The following ZHX3 variants were observed in gnomAD, a reference collection of about 807,000 sequenced individuals.
The protein encoded by ZHX3 is zinc fingers and homeoboxes protein 3.
In ZHX3, 20 loss-of-function variants were observed where a neutral mutation model predicts 64.5. That is an observed-to-expected ratio of 0.31 (90% CI 0.22 to 0.45). The LOEUF is 0.45. Ranked by LOEUF, ZHX3 falls within the 20% of genes least tolerant of loss-of-function variation. The pLI is 1.00. For missense variants in ZHX3, 1,041 were observed against 1,195.8 expected (o/e 0.87, Z 1.91); for synonymous variants, 423 against 461.6 (o/e 0.92, Z 1.07).
intron 1 of ZHX3, among the ~76,000 whole-genome samples, chr20:41,280,245 CAA>C (rs1011959728): frequency 9.8e-5 from 15 of 152,300 alleles, no homozygotes; most frequent in Admixed American, 2.6e-4. Context: ...TCGGATCACA[CAA>C]AGAGTTCTCA....
rs1207410604 is a variant in ZHX3, at chr20:41,179,425, G to C, written c.*5766C>G. 6.6e-6 allele frequency: 1 copy of C among 152,162 alleles called. No homozygotes were observed. Among genetic ancestry groups the C allele is most frequent in the East Asian group, 1.9e-4 (1 of 5,186 alleles). 9.4% of individuals were successfully genotyped at this position (152,162 alleles called of 1,614,324 possible). On this transcript the variant is annotated 3_prime_UTR_variant, in exon 4 of 4. Coordinates refer to ENST00000683867, the MANE Select transcript of ZHX3 (RefSeq NM_001384317.1). The surrounding 1 kb of genome is among the most constrained non-coding windows in gnomAD (Gnocchi z 4.3). ...TGGCCCTGTTCCAAGCAAACTGCAA[G>C]AACGAGACCAAACAGTATGGGCAGG...
intron 1 of ZHX3, among the ~76,000 whole-genome samples, chr20:41,277,073 G>A (rs1028681204): frequency 5.3e-5 from 8 of 152,230 alleles, no homozygotes; most frequent in Non-Finnish European, 1.5e-5. Flanking sequence ...TTTGAATGGT[G>A]AAGACAGACA....
chr20:41,240,929 G>A (rs6129777), intron 2 of ZHX3, among the ~76,000 whole-genome samples: 1 of 152,162 alleles, frequency 6.6e-6, no homozygotes, highest in African/African-American at 2.4e-5. Context: ...TGGGCACATA[G>A]GTTGCCTTCC....
rs1256951614 is a variant in ZHX3, at chr20:41,180,655, C to T, written c.*4536G>A. 1.3e-5 allele frequency: 2 copies of T among 152,164 alleles called. No homozygotes were observed. The highest frequency in any genetic ancestry group is 2.9e-5 in the Non-Finnish European group (2 of 68,042). 9.4% of individuals were successfully genotyped at this position (152,164 alleles called of 1,614,324 possible). A position where few individuals can be genotyped will look rare whatever the true frequency, so the allele number is the denominator to read the frequency against. On this transcript the variant is annotated 3_prime_UTR_variant, in exon 4 of 4. Coordinates refer to ENST00000683867, the MANE Select transcript of ZHX3 (RefSeq NM_001384317.1). The stretch of plus-strand genomic sequence containing the variant: ...CTCCCATTAACTTCACAACCAAGTG[C>T]AGACGCTCGGTGAGTTCAGAGACCA...
intron 2 of ZHX3, among the ~76,000 whole-genome samples, chr20:41,244,305 T>C (rs547586541): frequency 6.6e-6 from 1 of 151,884 alleles, no homozygotes; most frequent in Admixed American, 6.6e-5. Flanking sequence ...ATGAACCAGA[T>C]AGGAAAGAGG....
intron 2 of ZHX3, among the ~76,000 whole-genome samples, chr20:41,227,425 A>C (rs747929056): frequency 5.3e-5 from 8 of 152,148 alleles, no homozygotes; most frequent in Non-Finnish European, 8.8e-5. Flanking sequence ...TCCAACAACT[A>C]TTTATCAGGA....
chr20:41,239,040 T>C (rs1172781395), intron 2 of ZHX3, among the ~76,000 whole-genome samples: 8 of 143,758 alleles, frequency 5.6e-5, no homozygotes, highest in African/African-American at 2.1e-4. Flanking sequence ...TCTTGCTCTG[T>C]CGCCCAGGCT....
chr20:41,251,162 T>G (rs187375691), intron 2 of ZHX3, among the ~76,000 whole-genome samples: 271 of 29,628 alleles, frequency 9.1e-3, no homozygotes, highest in Non-Finnish European at 0.012. Flanking sequence ...TATGGGGAGA[T>G]ATATATATAT....
At position 41,200,946 on chromosome 20, in the gene ZHX3, AG is replaced by A. The variant is rs1468859183; in HGVS notation, c.2860+1110del. On this transcript the variant is annotated intron_variant, in intron 3 of 3. Transcript: ENST00000683867. The surrounding 1 kb of genome is among the most constrained non-coding windows in gnomAD (Gnocchi z 4.2). Reference sequence around the variant, plus strand: ...TTGTCCTTTTTAAGACATCCTAAGTAGAAAGCAACTGGGGTGGAGGAGCTGG... The same window carrying A: ...TTGTCCTTTTTAAGACATCCTAAGTAAAAGCAACTGGGGTGGAGGAGCTGG... 1.3e-5 allele frequency among the ~76,000 whole-genome samples: 2 copies of A among 152,270 alleles called. No individual in the cohort carries two copies. The highest frequency in any genetic ancestry group is 2.9e-5 in the Non-Finnish European group (2 of 68,046).
At chr20:41,225,895 A>G (rs976239509) in intron 2 of ZHX3, among the ~76,000 whole-genome samples, 1 of 152,112 alleles carries the variant, frequency 6.6e-6, no homozygotes, top group African/African-American at 2.4e-5. Flanking sequence ...CAAATACTAT[A>G]CCCATCAAAT....
At chr20:41,270,322 G>A (rs2043072262) in intron 1 of ZHX3, among the ~76,000 whole-genome samples, 1 of 141,486 alleles carries the variant, frequency 7.1e-6, no homozygotes, top group African/African-American at 2.6e-5. Context: ...GTTGCAGTGA[G>A]CCGAGATCGC....
At chr20:41,257,700 C>G (rs2042333246) in intron 2 of ZHX3, among the ~76,000 whole-genome samples, 1 of 151,330 alleles carries the variant, frequency 6.6e-6, no homozygotes, top group Non-Finnish European at 1.5e-5. Flanking sequence ...CAACCTCCGC[C>G]TGCCAGCTTC....
intron 2 of ZHX3, among the ~76,000 whole-genome samples, chr20:41,263,011 T>C (rs2042637571): frequency 6.6e-6 from 1 of 152,158 alleles, no homozygotes. Flanking sequence ...AAAATTTGTT[T>C]AAAAGCTAAA....
intron 2 of ZHX3, among the ~76,000 whole-genome samples, chr20:41,262,796 A>C (rs1011220439): frequency 2.6e-5 from 4 of 152,182 alleles, no homozygotes; most frequent in Non-Finnish European, 1.5e-5. Flanking sequence ...GAATTAAGAC[A>C]CTTCACAGAA....
At chr20:41,235,789 G>A (rs371842654) in intron 2 of ZHX3, among the ~76,000 whole-genome samples, 1 of 152,084 alleles carries the variant, frequency 6.6e-6, no homozygotes, top group Non-Finnish European at 1.5e-5. Flanking sequence ...GGCAGGAGAA[G>A]GAAATAAAGG....
chr20:41,260,768 A>C (rs1372429705), intron 2 of ZHX3, among the ~76,000 whole-genome samples: 1 of 152,236 alleles, frequency 6.6e-6, no homozygotes, highest in African/African-American at 2.4e-5. Flanking sequence ...TAACCTTCAC[A>C]ACAACCCTTG....
chr20:41,227,411 A>G (rs1176754120), intron 2 of ZHX3, among the ~76,000 whole-genome samples: 1 of 152,078 alleles, frequency 6.6e-6, no homozygotes, highest in East Asian at 1.9e-4. Flanking sequence ...GCAAAATATA[A>G]AACTCCAACA....
chr20:41,307,314 G>C (rs1195306874), intron 1 of ZHX3, among the ~76,000 whole-genome samples: 1 of 152,154 alleles, frequency 6.6e-6, no homozygotes, highest in African/African-American at 2.4e-5. Flanking sequence ...ATGAGATGGT[G>C]AGTATTCAAA....
Position 41,184,615 on chromosome 20 carries a change from T to A in ZHX3, c.*576A>T. On this transcript the variant is annotated 3_prime_UTR_variant, in exon 4 of 4. Coordinates refer to ENST00000683867, the MANE Select transcript of ZHX3 (RefSeq NM_001384317.1). ...CGGTCATCACTTAATGCAGCAGAGA[T>A]CTCTTCAAAGGTACTGCTTCCTTGA... 2 of 387,938 alleles carry A rather than the reference T, an allele frequency of 5.2e-6. No homozygotes were observed. The highest frequency in any genetic ancestry group is 4.7e-6 in the Non-Finnish European group (1 of 211,360). The allele number at this position is 387,938 out of a possible 1,614,324, so 24.0% of individuals were successfully genotyped here. A position where few individuals can be genotyped will look rare whatever the true frequency, so the allele number is the denominator to read the frequency against.
Sources: gnomAD v4.1 joint callset for allele counts (sites outside exome capture counted in the v4.1 genomes callset) on GRCh38, gnomAD v4.1.1 for gene constraint, Gnocchi (gnomAD v3.1) non-coding constraint, MANE v1.5 for transcripts, NCBI Gene and HGNC (gene_info 2026-07-23, HGNC 2026-07-21) for gene names.